MTHFD1L: variants seen among roughly 807,000 people sequenced by gnomAD.
MTHFD1L encodes monofunctional C1-tetrahydrofolate synthase, mitochondrial.
A neutral mutation model predicts 119.5 loss-of-function variants in MTHFD1L; 81 were observed. The observed-to-expected ratio is 0.68, with a 90% CI of 0.57 to 0.82. The LOEUF (loss-of-function observed/expected upper bound fraction) is 0.82. Ranked by LOEUF, MTHFD1L falls within the 40% of genes least tolerant of loss-of-function variation. The probability of loss-of-function intolerance (pLI) is 0.00; values close to 1 mark genes in which losing one functional copy is unlikely to be tolerated. For synonymous variants in MTHFD1L, 430 were observed against 475.2 expected (o/e 0.90, Z 1.24); for missense variants, 1,125 against 1,253.4 (o/e 0.90, Z 1.55).
chr6:150,956,216 G>T, intron 17 of MTHFD1L, 145 bp downstream of exon 17: 1 of 711,572 alleles, frequency 1.4e-6, no homozygotes, highest in East Asian at 2.7e-5. Context: ...CAGCAGGGCT[G>T]GGAGAGGATC....
chr6:150,920,818 G>A (rs1312790714), intron 9 of MTHFD1L, among the ~76,000 whole-genome samples: 1 of 152,052 alleles, frequency 6.6e-6, no homozygotes, highest in East Asian at 1.9e-4. Flanking sequence ...TGTCACCCAG[G>A]CTGGAATGCA....
intron 20 of MTHFD1L, among the ~76,000 whole-genome samples, chr6:151,004,000 C>CT (rs1377170687): frequency 1.1e-3 from 118 of 107,878 alleles, no homozygotes; most frequent in East Asian, 3.5e-3. Context: ...GATGTTAATG[C>CT]TTTTTTTTAA....
intron 26 of MTHFD1L, among the ~76,000 whole-genome samples, chr6:151,073,377 A>G (rs1007822674): frequency 6.6e-6 from 1 of 152,250 alleles, no homozygotes; most frequent in Non-Finnish European, 1.5e-5. Flanking sequence ...GCCAACAGCT[A>G]GAGTGAAAAC....
chr6:150,965,008 A>G lies in MTHFD1L; in HGVS notation c.1984A>G (p.Ile662Val). Residue 662 changes from isoleucine (I) to valine (V), a missense_variant, in exon 19 of 28, where the codon ATA becomes GTA. Ile to Val is a conservative substitution (Grantham distance 29). Transcript: ENST00000367321. ...TTTGACAGTTTTGATGAAAGATGCA[A>G]TAAAACCAAACCTGATGCAGACCCT... ...GALTVLMKDA[I>V]KPNLMQTLEG... 6.2e-7 allele frequency: 1 copy of G among 1,614,108 alleles called. No homozygotes were observed. Among genetic ancestry groups the G allele is most frequent in the Non-Finnish European group, 8.5e-7 (1 of 1,179,964 alleles).
At chr6:150,948,957 G>C in intron 15 of MTHFD1L, 74 bp from the exon 16 acceptor site, 3 of 1,210,474 alleles carry the variant, frequency 2.5e-6, no homozygotes, top group Admixed American at 3.9e-5. Flanking sequence ...AATAAAATTA[G>C]AGGGATAATT....
chr6:150,990,600 C>A lies in MTHFD1L; in HGVS notation c.2125+18542C>A, dbSNP rs923677269. On this transcript the variant is annotated intron_variant, in intron 20 of 27. Transcript: ENST00000367321. ...TCAGCCTCCCGAGTAGCCGGGATTA[C>A]AGGCATGCGCCACCATGCCCAGCTA... Among the ~76,000 whole-genome samples the A allele has an allele frequency of 1.1e-4, 17 of 151,918 alleles. No individual in the cohort carries two copies. The East Asian group carries it at 2.4e-3, about 21-fold the overall frequency.
chr6:151,089,418 A>G (rs1027178615), intron 26 of MTHFD1L, among the ~76,000 whole-genome samples: 10 of 152,176 alleles, frequency 6.6e-5, no homozygotes, highest in Non-Finnish European at 1.2e-4. Flanking sequence ...CCTAGCCAAC[A>G]TGGTCAAACC....
intron 1 of MTHFD1L, among the ~76,000 whole-genome samples, chr6:150,868,929 C>T (rs1395656614): frequency 5.9e-5 from 9 of 152,008 alleles, no homozygotes; most frequent in South Asian, 2.1e-4. Context: ...CTGGGCGTGG[C>T]GCGTGCCTGT....
intron 20 of MTHFD1L, among the ~76,000 whole-genome samples, chr6:151,004,241 C>G (rs1319945402): frequency 3.3e-5 from 5 of 151,958 alleles, no homozygotes; most frequent in Non-Finnish European, 5.9e-5. Flanking sequence ...AGAAGAATCA[C>G]TTGAACGTGG....
Position 151,005,718 on chromosome 6 carries a change from G to A in MTHFD1L, c.2126-4101G>A, listed in dbSNP as rs1781292854. On this transcript the variant is annotated intron_variant, in intron 20 of 27. Coordinates refer to ENST00000367321, the MANE Select transcript of MTHFD1L (RefSeq NM_015440.5). ...GAACCCAGGAGACGGAGGTTGCAGT[G>A]AGCTGTGATCGTGCCATTGCACTCC... Among the ~76,000 whole-genome samples, 2 of 152,160 alleles carry A rather than the reference G, an allele frequency of 1.3e-5. 1 individual carries two copies. Among genetic ancestry groups the A allele is most frequent in the South Asian group, 4.1e-4 (2 of 4,830 alleles).
At chr6:151,080,117 T>A (rs1793000301) in intron 26 of MTHFD1L, among the ~76,000 whole-genome samples, 2 of 151,898 alleles carry the variant, frequency 1.3e-5, no homozygotes, top group South Asian at 4.1e-4. Flanking sequence ...GGTGGAGATT[T>A]CAGTGAGCCG....
At chr6:150,994,578 T>TC (rs541016111) in intron 20 of MTHFD1L, among the ~76,000 whole-genome samples, 11 of 152,164 alleles carry the variant, frequency 7.2e-5, no homozygotes, top group Non-Finnish European at 1.6e-4. Flanking sequence ...ACCTATGACT[T>TC]CTCTACACAG....
At chr6:150,879,850 A>C (rs1343356962) in intron 4 of MTHFD1L, among the ~76,000 whole-genome samples, 1 of 152,010 alleles carries the variant, frequency 6.6e-6, no homozygotes, top group Non-Finnish European at 1.5e-5. Flanking sequence ...GCCGTTCTCG[A>C]ACTCCTGACC....
chr6:150,925,995 G>A (rs1339296999), intron 10 of MTHFD1L, 127 bp from the exon 11 acceptor site: 4 of 728,164 alleles, frequency 5.5e-6, no homozygotes, highest in Non-Finnish European at 8.8e-6. Context: ...ATTACTGCCT[G>A]GGAGAAAGGA....
intron 10 of MTHFD1L, among the ~76,000 whole-genome samples, chr6:150,925,871 G>A (rs1047786082): frequency 4.6e-5 from 7 of 152,050 alleles, no homozygotes; most frequent in Non-Finnish European, 8.8e-5. Flanking sequence ...CTATGCCATA[G>A]GTGTTATACT....
At chr6:151,085,758 G>A (rs746612575) in intron 26 of MTHFD1L, among the ~76,000 whole-genome samples, 6 of 120,604 alleles carry the variant, frequency 5.0e-5, no homozygotes, top group Admixed American at 9.2e-5. Context: ...GCGACAGAGC[G>A]AGACTCTGTC....
intron 24 of MTHFD1L, among the ~76,000 whole-genome samples, chr6:151,031,072 C>T (rs1052339280): frequency 2.0e-5 from 3 of 152,204 alleles, no homozygotes; most frequent in African/African-American, 4.8e-5. Context: ...AACCCAGCCT[C>T]AACTTTGTAC....
chr6:151,090,988 A>C (rs749331583), intron 26 of MTHFD1L, among the ~76,000 whole-genome samples: 783 of 132,292 alleles, frequency 5.9e-3, no homozygotes, highest in Middle Eastern at 0.013. Flanking sequence ...GACTGGGTGC[A>C]GCATCGTTCC....
Position 150,938,754 on chromosome 6 carries a change from T to C in MTHFD1L, c.1440+9T>C, listed in dbSNP as rs760493302. The C allele has an allele frequency of 6.2e-7, 1 of 1,604,708 alleles. No homozygotes were observed. On this transcript the variant is annotated intron_variant, in intron 13 of 27. Coordinates refer to ENST00000367321, the MANE Select transcript of MTHFD1L (RefSeq NM_015440.5). Reference sequence around the variant, plus strand: ...TCATCCCCATGGAGGAGGTAAGACCTTGAAGAGATGCGGGTCAGCTATCAC... The same window carrying C: ...TCATCCCCATGGAGGAGGTAAGACCCTGAAGAGATGCGGGTCAGCTATCAC...
Sources: gnomAD v4.1 joint callset for allele counts (sites outside exome capture counted in the v4.1 genomes callset) on GRCh38, gnomAD v4.1.1 for gene constraint, MANE v1.5 for transcripts, NCBI Gene and HGNC (gene_info 2026-07-23, HGNC 2026-07-21) for gene names.